Variants in ACTN2 observed in about 807,000 individuals in gnomAD.
The protein encoded by ACTN2 is alpha-actinin-2.
Under a neutral mutation model 113.8 loss-of-function variants are expected in ACTN2, and 39 were observed. That is an observed-to-expected ratio of 0.34 (90% CI 0.27 to 0.45). The LOEUF is 0.45. Among genes scored for constraint, ACTN2 ranks in the 20% least tolerant of loss-of-function variants. The pLI is 1.00. For synonymous variants in ACTN2, 429 were observed against 444.1 expected (o/e 0.97, Z 0.43); for missense variants, 992 against 1,177.9 (o/e 0.84, Z 2.31).
chr1:236,708,438 T>C (rs1454395627), intron 1 of ACTN2, among the ~76,000 whole-genome samples: 1 of 152,204 alleles, frequency 6.6e-6, no homozygotes, highest in Non-Finnish European at 1.5e-5. Context: ...GGAGGGATAT[T>C]TTCAAAGTCA....
At chr1:236,733,009 T>C (rs1658756387) in intron 7 of ACTN2, among the ~76,000 whole-genome samples, 1 of 152,242 alleles carries the variant, frequency 6.6e-6, no homozygotes, top group South Asian at 2.1e-4. Context: ...CTATTAATAC[T>C]TGAATGCATT....
chr1:236,745,861 G>A (rs771936147), intron 12 of ACTN2, among the ~76,000 whole-genome samples: 11 of 152,060 alleles, frequency 7.2e-5, no homozygotes, highest in South Asian at 6.2e-4. Context: ...AATATATTAC[G>A]TTTTAAAACT....
At position 236,754,000 on chromosome 1, in the gene ACTN2, C is replaced by A. The variant is rs1045358597; in HGVS notation, c.1893C>A (p.Arg631=). ...RDQSLQEELA[R]QHANERLRRQ... Reference sequence around the variant, plus strand: ...AATCCCTGCAGGAGGAGCTGGCTCGCCAGCATGCTAACGAGCGTCTGAGGC... The same window carrying A: ...AATCCCTGCAGGAGGAGCTGGCTCGACAGCATGCTAACGAGCGTCTGAGGC... Residue 631 remains arginine (R), a synonymous_variant, in exon 16 of 21, where the codon CGC becomes CGA. Coordinates refer to ENST00000366578, the MANE Select transcript of ACTN2 (RefSeq NM_001103.4). 1.2e-6 allele frequency: 2 copies of A among 1,614,078 alleles called. No individual in the cohort carries two copies. The highest frequency in any genetic ancestry group is 2.7e-5 in the African/African-American group (2 of 74,948).
At chr1:236,753,869 G>GAAAAAAAACCCAAAA in intron 15 of ACTN2, 78 bp from the exon 16 acceptor site, 1 of 1,250,292 alleles carries the variant, frequency 8.0e-7, no homozygotes, top group Non-Finnish European at 1.1e-6. Flanking sequence ...CCACCCCTTG[G>GAAAAAAAACCCAAAA]ACTATTCCCG....
At chr1:236,729,249 A>AG (rs1380779612) in intron 6 of ACTN2, among the ~76,000 whole-genome samples, 1 of 152,078 alleles carries the variant, frequency 6.6e-6, no homozygotes, top group Non-Finnish European at 1.5e-5. Context: ...GCTTGAACCC[A>AG]GGAGGCGGAG....
Position 236,718,879 on chromosome 1 carries a change from C to T in ACTN2, c.242-15C>T. 1.2e-6 allele frequency: 2 copies of T among 1,614,170 alleles called. No individual in the cohort carries two copies. The highest frequency in any genetic ancestry group is 1.7e-6 in the Non-Finnish European group (2 of 1,180,026). On this transcript the variant is annotated splice_polypyrimidine_tract_variant and intron_variant, in intron 2 of 20. Coordinates refer to ENST00000366578, the MANE Select transcript of ACTN2 (RefSeq NM_001103.4). ...ACTGTCTCTATGTCTGCATGATTCTCTTTTCATCCAACAGGGGAAAGGCTG... is the reference window on the plus strand; with the variant it reads ...ACTGTCTCTATGTCTGCATGATTCTTTTTTCATCCAACAGGGGAAAGGCTG...
intron 15 of ACTN2, among the ~76,000 whole-genome samples, chr1:236,753,341 A>G (rs1215570837): frequency 6.6e-6 from 1 of 152,238 alleles, no homozygotes; most frequent in East Asian, 1.9e-4. Context: ...TTTAAAACCA[A>G]GAACTAACAG....
At chr1:236,688,576 A>T (rs771467494) in intron 1 of ACTN2, among the ~76,000 whole-genome samples, 1 of 152,220 alleles carries the variant, frequency 6.6e-6, no homozygotes, top group Non-Finnish European at 1.5e-5. Context: ...AGTAAAGTTG[A>T]TTATTTAAAA....
At chr1:236,713,057 T>C (rs1658082092) in intron 1 of ACTN2, among the ~76,000 whole-genome samples, 1 of 151,940 alleles carries the variant, frequency 6.6e-6, no homozygotes, top group Non-Finnish European at 1.5e-5. Context: ...CTGGGGTGTA[T>C]TTTACTGTAA....
intron 1 of ACTN2, among the ~76,000 whole-genome samples, chr1:236,710,585 G>A (rs1657994184): frequency 1.3e-5 from 2 of 152,096 alleles, no homozygotes; most frequent in Non-Finnish European, 2.9e-5. Context: ...AACATCCTCC[G>A]GGTCTCCAGA....
At chr1:236,743,734 A>G (rs976532706) in intron 11 of ACTN2, among the ~76,000 whole-genome samples, 1 of 152,156 alleles carries the variant, frequency 6.6e-6, no homozygotes, top group Admixed American at 6.5e-5. Context: ...AATATTTCAT[A>G]GACAGGTAGT....
intron 4 of ACTN2, among the ~76,000 whole-genome samples, chr1:236,723,762 A>G (rs1658468089): frequency 6.6e-6 from 1 of 152,156 alleles, no homozygotes; most frequent in Non-Finnish European, 1.5e-5. Context: ...TGGCCTAAAA[A>G]TGGACAATTT....
chr1:236,724,769 C>T (rs1052535714), intron 4 of ACTN2, among the ~76,000 whole-genome samples: 12 of 151,194 alleles, frequency 7.9e-5, no homozygotes, highest in East Asian at 3.9e-4. Flanking sequence ...GCCCTGTGCT[C>T]GCAGCTGAAG....
At chr1:236,737,059 T>A in intron 8 of ACTN2, 63 bp from the exon 9 acceptor site, 1 of 1,397,282 alleles carries the variant, frequency 7.2e-7, no homozygotes, top group Non-Finnish European at 1.0e-6. Flanking sequence ...CCCACCTCGT[T>A]CCATGCTGTG....
chr1:236,687,423 T>C (rs1310308440), intron 1 of ACTN2, among the ~76,000 whole-genome samples: 1 of 152,208 alleles, frequency 6.6e-6, no homozygotes, highest in African/African-American at 2.4e-5. Context: ...ATTGGCGTTC[T>C]CTGGGGGCCC....
chr1:236,764,256 G>A lies in ACTN2; in HGVS notation c.*1637G>A, dbSNP rs1659785908. On this transcript the variant is annotated 3_prime_UTR_variant, in exon 21 of 21. Transcript: ENST00000366578. The stretch of plus-strand genomic sequence containing the variant: ...AAATATTTGAATCCTTGAGTTTAAT[G>A]CCAAACACTTTTGGGGTGGTTTAGA... 1 of 152,130 alleles carries A rather than the reference G, an allele frequency of 6.6e-6. No homozygotes were observed. Among genetic ancestry groups the A allele is most frequent in the Non-Finnish European group, 1.5e-5 (1 of 68,028 alleles). The allele number at this position is 152,130 out of a possible 1,614,324, so 9.4% of individuals were successfully genotyped here.
chr1:236,750,605 G>A (rs1659366361), intron 14 of ACTN2, among the ~76,000 whole-genome samples: 1 of 152,154 alleles, frequency 6.6e-6, no homozygotes, highest in Non-Finnish European at 1.5e-5. Context: ...TGAATTTGTG[G>A]GGCTGCTCAT....
rs1479412129 is a variant in ACTN2, at chr1:236,686,568, C to T, written c.-106C>T. The T allele has an allele frequency of 4.6e-6, 6 of 1,308,312 alleles. No individual in the cohort carries two copies. Among genetic ancestry groups the T allele is most frequent in the Admixed American group, 4.1e-5 (1 of 24,210 alleles). 81.0% of individuals were successfully genotyped at this position (1,308,312 alleles called of 1,614,324 possible). A position where few individuals can be genotyped will look rare whatever the true frequency, so the allele number is the denominator to read the frequency against. Reference sequence around the variant, plus strand: ...CCGAGAGGAGCCGCGCGAAGGTCACCCCGCGCCCGCCGCCCGCCGCCCGCC... The same window carrying T: ...CCGAGAGGAGCCGCGCGAAGGTCACTCCGCGCCCGCCGCCCGCCGCCCGCC... On this transcript the variant is annotated 5_prime_UTR_variant, in exon 1 of 21. Coordinates refer to ENST00000366578, the MANE Select transcript of ACTN2 (RefSeq NM_001103.4).
At chr1:236,698,874 C>T (rs1255004466) in intron 1 of ACTN2, among the ~76,000 whole-genome samples, 1 of 152,132 alleles carries the variant, frequency 6.6e-6, no homozygotes, top group Non-Finnish European at 1.5e-5. Context: ...ATCTTCACAA[C>T]CATCTTGAAA....
Sources: gnomAD v4.1 joint callset for allele counts (sites outside exome capture counted in the v4.1 genomes callset) on GRCh38, gnomAD v4.1.1 for gene constraint, MANE v1.5 for transcripts, NCBI Gene and HGNC (gene_info 2026-07-23, HGNC 2026-07-21) for gene names.